Variants in PPARGC1A observed in about 807,000 individuals in gnomAD.
PPARGC1A encodes peroxisome proliferator-activated receptor gamma coactivator 1-alpha.
PPARGC1A carries 25 observed loss-of-function variants against 88.7 expected under a neutral mutation model. That is an observed-to-expected ratio of 0.28 (90% confidence interval 0.21 to 0.39). The LOEUF is 0.39. Ranked by LOEUF, PPARGC1A falls within the 10% of genes least tolerant of loss-of-function variation. The probability of loss-of-function intolerance (pLI) is 1.00; values close to 1 mark genes in which losing one functional copy is unlikely to be tolerated. For missense variants in PPARGC1A, 880 were observed against 968.7 expected (o/e 0.91, Z 1.22); for synonymous variants, 363 against 355.6 (o/e 1.02, Z -0.24).
chr4:24,349,922 T>C, the PPARGC1A span, among the ~76,000 whole-genome samples: 3 of 152,178 alleles, frequency 2.0e-5, no homozygotes. Flanking sequence ...GATGGATCCC[T>C]GTGGTGCCAG....
the PPARGC1A span, among the ~76,000 whole-genome samples, chr4:23,973,691 T>C: frequency 6.6e-6 from 1 of 152,212 alleles, no homozygotes; most frequent in Admixed American, 6.5e-5. Flanking sequence ...GATGGGACTA[T>C]AAACCAGTAG....
the PPARGC1A span, among the ~76,000 whole-genome samples, chr4:24,085,942 T>C: frequency 3.3e-5 from 5 of 152,074 alleles, no homozygotes; most frequent in African/African-American, 1.2e-4. Context: ...CATTCAGAGG[T>C]GGTAAGGAGT....
At chr4:24,019,110 A>C in the PPARGC1A span, among the ~76,000 whole-genome samples, 1 of 152,214 alleles carries the variant, frequency 6.6e-6, no homozygotes, top group Admixed American at 6.5e-5. Flanking sequence ...TTAATAGCCA[A>C]ATAACACAAT....
At chr4:23,850,364 A>G (rs1256099963) in intron 2 of PPARGC1A, among the ~76,000 whole-genome samples, 3 of 152,234 alleles carry the variant, frequency 2.0e-5, no homozygotes, top group East Asian at 3.8e-4. Context: ...CTTCTGTGAC[A>G]GTGCTCAGAG....
At chr4:24,169,148 A>C in the PPARGC1A span, among the ~76,000 whole-genome samples, 1 of 152,054 alleles carries the variant, frequency 6.6e-6, no homozygotes. Flanking sequence ...CCTCCTAAAC[A>C]CCCATGAGCC....
At chr4:24,472,875 G>A in the PPARGC1A span, among the ~76,000 whole-genome samples, 1 of 151,474 alleles carries the variant, frequency 6.6e-6, no homozygotes, top group South Asian at 2.1e-4. The surrounding 1 kb of genome is among the most constrained non-coding windows in gnomAD (Gnocchi z 4.5). Context: ...GGATGGAGGC[G>A]CAGAGGCAGC....
chr4:24,410,439 C>T, the PPARGC1A span, among the ~76,000 whole-genome samples: 1 of 152,020 alleles, frequency 6.6e-6, no homozygotes, highest in Non-Finnish European at 1.5e-5. Flanking sequence ...CTAGCATTTC[C>T]CAAAGAGTGC....
At chr4:24,401,964 C>T in the PPARGC1A span, among the ~76,000 whole-genome samples, 1 of 152,176 alleles carries the variant, frequency 6.6e-6, no homozygotes, top group Non-Finnish European at 1.5e-5. Flanking sequence ...CAAATCCAGG[C>T]AGTCTGGCTT....
the PPARGC1A span, among the ~76,000 whole-genome samples, chr4:24,262,849 G>A: frequency 2.0e-5 from 3 of 152,214 alleles, no homozygotes; most frequent in South Asian, 2.1e-4. Flanking sequence ...AGCATGAAGT[G>A]GTGACTGTCC....
chr4:24,397,682 G>A, the PPARGC1A span, among the ~76,000 whole-genome samples: 1 of 152,172 alleles, frequency 6.6e-6, no homozygotes, highest in Non-Finnish European at 1.5e-5. Flanking sequence ...CAGATGTGGT[G>A]GAGCAACAAG....
the PPARGC1A span, among the ~76,000 whole-genome samples, chr4:24,378,091 C>A: frequency 5.3e-5 from 8 of 152,304 alleles, no homozygotes; most frequent in Admixed American, 2.0e-4. Flanking sequence ...AATACCAGCA[C>A]TTTGGGAGGC....
the PPARGC1A span, among the ~76,000 whole-genome samples, chr4:24,299,719 CAT>C: frequency 6.6e-6 from 1 of 152,120 alleles, no homozygotes; most frequent in South Asian, 2.1e-4. Context: ...ACCCCTAACA[CAT>C]AAACGACTAC....
At chr4:23,936,880 A>G in the PPARGC1A span, among the ~76,000 whole-genome samples, 1 of 152,110 alleles carries the variant, frequency 6.6e-6, no homozygotes, top group South Asian at 2.1e-4. Context: ...AAACAAAACA[A>G]AAGCCTAATC....
rs568599123 is a variant in PPARGC1A, at chr4:23,844,188, A to G, written c.235-12437T>C. Reference sequence around the variant, plus strand: ...ACATATGTGTGTATATATAAAACATAAACACACATACAAAAAAATTATTTT... The same window carrying G: ...ACATATGTGTGTATATATAAAACATGAACACACATACAAAAAAATTATTTT... On this transcript the variant is annotated intron_variant, in intron 2 of 12. Coordinates refer to ENST00000264867, the MANE Select transcript of PPARGC1A (RefSeq NM_013261.5). 2.0e-5 allele frequency among the ~76,000 whole-genome samples: 3 copies of G among 149,902 alleles called. No homozygotes were observed. In the Admixed American group the frequency reaches 2.0e-4, roughly 10 times the overall value.
At chr4:24,214,839 T>C in the PPARGC1A span, among the ~76,000 whole-genome samples, 23 of 152,132 alleles carry the variant, frequency 1.5e-4, 1 homozygote, top group African/African-American at 4.8e-5. Context: ...AGCAAAGTAA[T>C]GCCCGAGACC....
At chr4:24,018,668 T>G in the PPARGC1A span, among the ~76,000 whole-genome samples, 1 of 152,220 alleles carries the variant, frequency 6.6e-6, no homozygotes, top group Admixed American at 6.5e-5. Flanking sequence ...GTTCCTGATC[T>G]TTCATCTCTT....
At chr4:24,138,768 C>T in the PPARGC1A span, among the ~76,000 whole-genome samples, 1 of 152,236 alleles carries the variant, frequency 6.6e-6, no homozygotes, top group East Asian at 1.9e-4. Flanking sequence ...AGACTCAGTT[C>T]AACTAAAAAC....
the PPARGC1A span, among the ~76,000 whole-genome samples, chr4:23,934,004 T>C: frequency 2.6e-5 from 4 of 152,182 alleles, no homozygotes; most frequent in African/African-American, 7.2e-5. Context: ...AGGAGATCCC[T>C]GGAAAGAAAA....
the PPARGC1A span, among the ~76,000 whole-genome samples, chr4:24,104,310 A>G: frequency 6.6e-6 from 1 of 152,082 alleles, no homozygotes; most frequent in African/African-American, 2.4e-5. Flanking sequence ...TGTGGACTGT[A>G]TTTTAAGAGA....
Sources: gnomAD v4.1 joint callset for allele counts (sites outside exome capture counted in the v4.1 genomes callset) on GRCh38, gnomAD v4.1.1 for gene constraint, Gnocchi (gnomAD v3.1) non-coding constraint, MANE v1.5 for transcripts, NCBI Gene and HGNC (gene_info 2026-07-23, HGNC 2026-07-21) for gene names.